The following NOS1AP variants were observed in gnomAD, a reference collection of about 807,000 sequenced individuals.
The protein encoded by NOS1AP is carboxyl-terminal PDZ ligand of neuronal nitric oxide synthase protein.
In NOS1AP, 21 loss-of-function variants were observed where a neutral mutation model predicts 56.2. The observed-to-expected ratio is 0.37, with a 90% confidence interval of 0.26 to 0.54. NOS1AP has a LOEUF of 0.54. Among genes scored for constraint, NOS1AP ranks in the 20% least tolerant of loss-of-function variants. The probability of loss-of-function intolerance (pLI) is 0.84; values close to 1 mark genes in which losing one functional copy is unlikely to be tolerated. For missense variants in NOS1AP, 522 were observed against 657.8 expected, an observed-to-expected ratio of 0.79 and a Z score of 2.26; for synonymous variants, 270 against 274.6, an observed-to-expected ratio of 0.98 and a Z score of 0.17.
intron 2 of NOS1AP, among the ~76,000 whole-genome samples, chr1:162,255,458 A>G (rs1653994961): frequency 1.6e-5 from 2 of 123,882 alleles, no homozygotes; most frequent in Non-Finnish European, 3.4e-5. Context: ...CAAGGTAGGG[A>G]TTTCAGATGC....
Position 162,176,665 on chromosome 1 carries a change from C to T in NOS1AP, c.177+22189C>T, listed in dbSNP as rs1177523985. Among the ~76,000 whole-genome samples the T allele has an allele frequency of 2.6e-5, 4 of 151,936 alleles. 1 individual carries two copies. Among genetic ancestry groups the T allele is most frequent in the East Asian group, 1.9e-4 (1 of 5,172 alleles). On this transcript the variant is annotated intron_variant, in intron 2 of 9. Coordinates refer to ENST00000361897, the MANE Select transcript of NOS1AP (RefSeq NM_014697.3). ...CTGGGACTACAGGCGTGTGCTACCA[C>T]GCCCAGCTACTTTTTGTATTTTTTG... is the stretch of plus-strand genomic sequence containing the variant.
At chr1:162,112,921 G>T (rs897968727) in intron 1 of NOS1AP, among the ~76,000 whole-genome samples, 52 of 152,274 alleles carry the variant, frequency 3.4e-4, no homozygotes, top group African/African-American at 1.2e-3. Context: ...GCTTTAGTCT[G>T]CAATAAAAAG....
At chr1:162,352,993 A>G (rs780009595) in intron 6 of NOS1AP, among the ~76,000 whole-genome samples, 4 of 151,972 alleles carry the variant, frequency 2.6e-5, no homozygotes. Flanking sequence ...CCATTCAGTC[A>G]CCTGAATCAG....
intron 4 of NOS1AP, among the ~76,000 whole-genome samples, chr1:162,326,555 T>C (rs756402274): frequency 6.6e-5 from 10 of 152,162 alleles, no homozygotes; most frequent in Non-Finnish European, 1.5e-4. Flanking sequence ...CTCACATGAT[T>C]ATGGAGGCTG....
chr1:162,166,135 G>A (rs1650487516), intron 2 of NOS1AP, among the ~76,000 whole-genome samples: 1 of 152,116 alleles, frequency 6.6e-6, no homozygotes. Context: ...TCCTACCAGT[G>A]CAGCCCCAGA....
At position 162,167,049 on chromosome 1, in the gene NOS1AP, G is replaced by A. The variant is rs140702677; in HGVS notation, c.177+12573G>A. 2.0e-3 allele frequency among the ~76,000 whole-genome samples: 306 copies of A among 152,280 alleles called. 1 individual carries two copies. The highest frequency in any genetic ancestry group is 7.0e-3 in the African/African-American group (292 of 41,558). ...ACCACCCAGCCCTTTTGCATTTAAT[G>A]AATGTAAAAAATAATGGGGCAGCTG... On this transcript the variant is annotated intron_variant, in intron 2 of 9. Transcript: ENST00000361897.
intron 2 of NOS1AP, among the ~76,000 whole-genome samples, chr1:162,230,828 T>G (rs1653099659): frequency 6.6e-6 from 1 of 152,230 alleles, no homozygotes; most frequent in South Asian, 2.1e-4. Flanking sequence ...TCGAATTTCC[T>G]CCTTTTAAAG....
At chr1:162,085,494 G>A (rs1691983275) in intron 1 of NOS1AP, among the ~76,000 whole-genome samples, 1 of 152,108 alleles carries the variant, frequency 6.6e-6, no homozygotes, top group Non-Finnish European at 1.5e-5. Flanking sequence ...CCAAGTGGTG[G>A]TCTTTATGAA....
chr1:162,117,823 G>A (rs981600376), intron 1 of NOS1AP, among the ~76,000 whole-genome samples: 12 of 152,222 alleles, frequency 7.9e-5, no homozygotes, highest in Non-Finnish European at 1.6e-4. Context: ...CCCAGGTTGT[G>A]TGTGTGTTGT....
intron 2 of NOS1AP, among the ~76,000 whole-genome samples, chr1:162,208,323 G>T (rs1283648994): frequency 6.6e-6 from 1 of 152,116 alleles, no homozygotes. Context: ...ATCCCACCTT[G>T]TCTTTTTATA....
intron 1 of NOS1AP, among the ~76,000 whole-genome samples, chr1:162,143,265 GACT>G (rs1018673567): frequency 2.0e-5 from 3 of 151,982 alleles, no homozygotes; most frequent in Non-Finnish European, 4.4e-5. Flanking sequence ...ATTCTGTTGA[GACT>G]AATTTCTTGA....
At chr1:162,337,884 T>C (rs1384849711) in intron 5 of NOS1AP, among the ~76,000 whole-genome samples, 6 of 152,218 alleles carry the variant, frequency 3.9e-5, no homozygotes, top group Admixed American at 3.9e-4. Flanking sequence ...ACCTAACCCA[T>C]CTACCATTTC....
At position 162,070,259 on chromosome 1, in the gene NOS1AP, C is replaced by T. The variant is rs1469384693; in HGVS notation, c.82C>T (p.His28Tyr). The stretch of plus-strand genomic sequence containing the variant: ...CTTGCACAACGAGGACGCCTTCCAG[C>T]ACGGCATCTGCTTTGAGGCCAAGGT... ...IPLHNEDAFQHGICFEAKYVG... is the reference protein window; with the variant it reads ...IPLHNEDAFQYGICFEAKYVG... Residue 28 changes from histidine (H) to tyrosine (Y), a missense_variant, in exon 1 of 10, where the codon CAC becomes TAC. By Grantham distance (83) the His-to-Tyr change is moderately conservative. Around this residue, in one of 4 missense-constraint regions of NOS1AP, gnomAD observed 132 missense variants for 218.1 expected, o/e 0.61. Coordinates refer to ENST00000361897, the MANE Select transcript of NOS1AP (RefSeq NM_014697.3). 2 of 1,613,836 alleles carry T rather than the reference C, an allele frequency of 1.2e-6. No homozygotes were observed. The highest frequency in any genetic ancestry group is 1.7e-5 in the Admixed American group (1 of 60,000).
In NOS1AP at chr1:162,333,141, C is replaced by A; in HGVS notation, c.453+16C>A. ...CAAGAAGAAGGTAAAGAGGCGGTTG[C>A]CGTCCATCTGCTATTTTCCTCTAAT... On this transcript the variant is annotated intron_variant, in intron 5 of 9. Coordinates refer to ENST00000361897, the MANE Select transcript of NOS1AP (RefSeq NM_014697.3). 6.4e-7 allele frequency: 1 copy of A among 1,553,514 alleles called. No individual in the cohort carries two copies. Among genetic ancestry groups the A allele is most frequent in the Non-Finnish European group, 8.9e-7 (1 of 1,124,938 alleles).
intron 2 of NOS1AP, among the ~76,000 whole-genome samples, chr1:162,201,390 T>G (rs1482334361): frequency 3.1e-4 from 47 of 152,234 alleles, no homozygotes; most frequent in Admixed American, 3.0e-3. Context: ...TTTGCTATTA[T>G]GAATAGTGCT....
intron 4 of NOS1AP, among the ~76,000 whole-genome samples, chr1:162,321,731 A>AAAAAAAATATATATATAT (rs1480278757): frequency 7.8e-6 from 1 of 128,494 alleles, no homozygotes; most frequent in African/African-American, 2.9e-5. Flanking sequence ...AAAAAAAAAA[A>AAAAAAAATATATATATAT]ATATATATAT....
At chr1:162,218,558 G>A (rs1219085258) in intron 2 of NOS1AP, among the ~76,000 whole-genome samples, 1 of 152,180 alleles carries the variant, frequency 6.6e-6, no homozygotes. Context: ...GTCTGTGGAT[G>A]TTGTGAGAAT....
chr1:162,091,478 A>T (rs564785885), intron 1 of NOS1AP, among the ~76,000 whole-genome samples: 50 of 152,282 alleles, frequency 3.3e-4, no homozygotes, highest in Non-Finnish European at 4.1e-4. Flanking sequence ...TTTGCTATTT[A>T]GTTGCTCTGT....
chr1:162,070,070 G>A lies in NOS1AP; in HGVS notation c.-108G>A. The A allele has an allele frequency of 2.3e-6, 2 of 864,742 alleles. No homozygotes were observed. Among genetic ancestry groups the A allele is most frequent in the Non-Finnish European group, 3.7e-6 (2 of 542,764 alleles). The allele number at this position is 864,742 out of a possible 1,614,324, so 53.6% of individuals were successfully genotyped here. On this transcript the variant is annotated 5_prime_UTR_variant, in exon 1 of 10. Coordinates refer to ENST00000361897, the MANE Select transcript of NOS1AP (RefSeq NM_014697.3). ...GGCTCCCCCTGCCCAGCGCTCCCAG[G>A]CCCCGCCACGCGTCGCCGCGCCCAG...
Sources: gnomAD v4.1 joint callset for allele counts (sites outside exome capture counted in the v4.1 genomes callset) on GRCh38, gnomAD v4.1.1 for gene constraint, gnomAD v4.1.1 regional missense constraint, MANE v1.5 for transcripts, NCBI Gene and HGNC (gene_info 2026-07-23, HGNC 2026-07-21) for gene names.